The following RBL1 variants were observed in gnomAD, a reference collection of about 807,000 sequenced individuals.
RBL1 encodes the protein RB transcriptional corepressor like 1, also known as retinoblastoma-like protein 1.
A neutral mutation model predicts 123.0 loss-of-function variants in RBL1; 82 were observed. The observed-to-expected ratio is 0.67, with a 90% confidence interval of 0.56 to 0.80. RBL1 has a LOEUF of 0.80. RBL1 is among the 30% of genes least tolerant of loss of function. RBL1 has a pLI of 0.00. For missense variants in RBL1, 1,171 were observed against 1,299.6 expected (o/e 0.90, Z 1.52); for synonymous variants, 405 against 441.3 (o/e 0.92, Z 1.03).
At chr20:37,092,976 C>T (rs185861251) in intron 1 of RBL1, among the ~76,000 whole-genome samples, 27 of 152,144 alleles carry the variant, frequency 1.8e-4, no homozygotes, top group Middle Eastern at 3.4e-3. Context: ...TCTGATCTCA[C>T]AGAACTTCAC....
At chr20:37,027,445 T>C (rs1048194647) in intron 16 of RBL1, among the ~76,000 whole-genome samples, 5 of 152,182 alleles carry the variant, frequency 3.3e-5, no homozygotes, top group Admixed American at 6.5e-5. Flanking sequence ...GCCTAGGAGT[T>C]TGGGCTCTAG....
intron 21 of RBL1, among the ~76,000 whole-genome samples, chr20:37,003,403 C>A (rs1168946295): frequency 6.6e-6 from 1 of 152,118 alleles, no homozygotes; most frequent in Non-Finnish European, 1.5e-5. Context: ...AACTTGACAT[C>A]CCCCAGGTCT....
At chr20:37,091,421 C>A (rs918899553) in intron 1 of RBL1, among the ~76,000 whole-genome samples, 1 of 151,730 alleles carries the variant, frequency 6.6e-6, no homozygotes, top group Non-Finnish European at 1.5e-5. Context: ...GTAACCCCAG[C>A]ACTTTGGGAG....
chr20:37,095,030 ATGTTC>A (rs1451078484), intron 1 of RBL1, among the ~76,000 whole-genome samples: 2 of 152,208 alleles, frequency 1.3e-5, no homozygotes, highest in Non-Finnish European at 2.9e-5. Flanking sequence ...TTGCCATGCC[ATGTTC>A]ACAGGGCTGT....
chr20:37,052,180 A>T (rs1160671021), intron 11 of RBL1, among the ~76,000 whole-genome samples: 1 of 139,052 alleles, frequency 7.2e-6, no homozygotes, highest in Non-Finnish European at 1.6e-5. Flanking sequence ...TTACAGGTGC[A>T]CACCACTATG....
intron 13 of RBL1, among the ~76,000 whole-genome samples, chr20:37,042,428 A>G (rs1405009406): frequency 6.6e-6 from 1 of 152,216 alleles, no homozygotes; most frequent in African/African-American, 2.4e-5. Flanking sequence ...GAATCTTTCT[A>G]CATTGACCGT....
At chr20:37,091,369 AC>A (rs1281695375) in intron 1 of RBL1, among the ~76,000 whole-genome samples, 1 of 151,126 alleles carries the variant, frequency 6.6e-6, no homozygotes, top group Admixed American at 6.6e-5. Flanking sequence ...AAAAAAAAAA[AC>A]AAGAATTACA....
At chr20:37,079,795 G>A (rs1277555691) in intron 2 of RBL1, among the ~76,000 whole-genome samples, 2 of 152,006 alleles carry the variant, frequency 1.3e-5, no homozygotes, top group Non-Finnish European at 1.5e-5. Context: ...GCCCACAAAG[G>A]TTTCTATATG....
At chr20:37,012,441 T>C (rs1223922401) in intron 19 of RBL1, among the ~76,000 whole-genome samples, 7 of 133,884 alleles carry the variant, frequency 5.2e-5, no homozygotes, top group Admixed American at 7.4e-5. Context: ...CCGGCCGCCA[T>C]CCCATCTACG....
At chr20:37,035,643 T>C (rs908688569) in intron 14 of RBL1, 135 bp from the exon 15 acceptor site, 3 of 737,864 alleles carry the variant, frequency 4.1e-6, no homozygotes, top group African/African-American at 1.8e-5. Context: ...TTTGCCCTCA[T>C]GGAATATGTA....
intron 16 of RBL1, among the ~76,000 whole-genome samples, chr20:37,024,681 G>A (rs1000400997): frequency 6.6e-6 from 1 of 152,044 alleles, no homozygotes; most frequent in African/African-American, 2.4e-5. Flanking sequence ...TAAATGAAAG[G>A]AAAAGGATGT....
At chr20:37,059,429 G>A (rs144124668) in intron 9 of RBL1, among the ~76,000 whole-genome samples, 48 of 152,318 alleles carry the variant, frequency 3.2e-4, no homozygotes, top group Non-Finnish European at 5.1e-4. Flanking sequence ...GGTATATGAG[G>A]ATCTCTCCCC....
intron 10 of RBL1, 132 bp from the exon 11 acceptor site, chr20:37,055,788 C>T: frequency 2.2e-6 from 2 of 914,136 alleles, no homozygotes; most frequent in Non-Finnish European, 3.2e-6. Flanking sequence ...GTGGCTCACG[C>T]CTGTAATCCT....
intron 16 of RBL1, among the ~76,000 whole-genome samples, chr20:37,024,704 CA>C (rs1300302018): frequency 6.6e-6 from 1 of 152,124 alleles, no homozygotes; most frequent in African/African-American, 2.4e-5. Flanking sequence ...GATTCTAAAA[CA>C]ACATTCAAAA....
intron 17 of RBL1, 141 bp from the exon 18 acceptor site, chr20:37,020,871 T>A: frequency 1.7e-6 from 1 of 571,812 alleles, no homozygotes; most frequent in South Asian, 2.4e-5. Flanking sequence ...TAAAAACCAC[T>A]AACATTTATG....
At chr20:37,020,237 T>C (rs1439249559) in intron 18 of RBL1, among the ~76,000 whole-genome samples, 1 of 151,978 alleles carries the variant, frequency 6.6e-6, no homozygotes, top group Non-Finnish European at 1.5e-5. Context: ...TATAGGCGTG[T>C]GACACCACGC....
At position 37,012,462 on chromosome 20, in the gene RBL1, C is replaced by A. The variant is rs1338620440; in HGVS notation, c.2723-4903G>T. ...GCCATCCCATCTACGAAGTGAGGAG[C>A]GTCTCTGCCCGGCCGCCCATCGTCT... is the stretch of plus-strand genomic sequence containing the variant. On this transcript the variant is annotated intron_variant, in intron 19 of 21. Transcript: ENST00000373664. Among the ~76,000 whole-genome samples, 15 of 151,846 alleles carry A rather than the reference C, an allele frequency of 9.9e-5. No individual in the cohort carries two copies. The East Asian group carries it at 2.0e-3, about 20-fold the overall frequency.
intron 16 of RBL1, among the ~76,000 whole-genome samples, chr20:37,030,154 G>T (rs980564875): frequency 5.3e-5 from 8 of 152,156 alleles, no homozygotes; most frequent in African/African-American, 1.9e-4. Context: ...GAAAAACAAA[G>T]TTGGAGGTCT....
At chr20:37,067,488 G>T (rs1178060188) in intron 3 of RBL1, among the ~76,000 whole-genome samples, 191 bp from the exon 4 acceptor site, 1 of 151,930 alleles carries the variant, frequency 6.6e-6, no homozygotes, top group African/African-American at 2.4e-5. Flanking sequence ...AGAACATAGG[G>T]CTGGGTGTGG....
Sources: allele counts gnomAD v4.1 joint callset (sites outside exome capture counted in the v4.1 genomes callset), GRCh38; gene constraint gnomAD v4.1.1; transcripts MANE v1.5; gene names NCBI Gene and HGNC (gene_info 2026-07-23, HGNC 2026-07-21).